Variants in CHST15 observed in about 807,000 individuals in gnomAD.
CHST15 encodes carbohydrate sulfotransferase 15, also known as B cell RAG associated protein (GALNAC4S-6ST).
CHST15 carries 30 observed loss-of-function variants against 53.6 expected under a neutral mutation model. The ratio of observed to expected loss-of-function variants is 0.56; its 90% CI spans 0.42 to 0.76. The LOEUF (loss-of-function observed/expected upper bound fraction) is 0.76. Ranked by LOEUF, CHST15 falls within the 30% of genes least tolerant of loss-of-function variation. The pLI is 0.00. For missense variants in CHST15, 627 were observed against 740.5 expected (o/e 0.85, Z 1.78); for synonymous variants, 296 against 289.8 (o/e 1.02, Z -0.22).
chr10:124,052,057 CA>C (rs1454415902), intron 1 of CHST15, among the ~76,000 whole-genome samples: 3 of 152,142 alleles, frequency 2.0e-5, no homozygotes, highest in Non-Finnish European at 1.5e-5. Flanking sequence ...TAGCTAATTA[CA>C]TTATTTTTCT....
In CHST15 at chr10:124,009,660, A is replaced by T. The variant is rs1283598818; in HGVS notation, c.*489T>A. On this transcript the variant is annotated 3_prime_UTR_variant, in exon 8 of 8. Coordinates refer to ENST00000435907, the MANE Select transcript of CHST15 (RefSeq NM_001270764.2). ...GTGGTATGATCACACCTGTGAAGAT[A>T]GCCATTGAATACAGACAGTCTGTGC... is the stretch of plus-strand genomic sequence containing the variant. The T allele has an allele frequency of 1.0e-6, 1 of 1,001,468 alleles. No individual in the cohort carries two copies. The highest frequency in any genetic ancestry group is 1.1e-4 in the East Asian group (1 of 9,222). 62.0% of individuals were successfully genotyped at this position (1,001,468 alleles called of 1,614,324 possible).
intron 1 of CHST15, among the ~76,000 whole-genome samples, chr10:124,084,194 G>A (rs371018691): frequency 1.3e-5 from 2 of 152,278 alleles, no homozygotes; most frequent in African/African-American, 4.8e-5. Context: ...GGGGCCACGC[G>A]CTGGCTGGGA....
Position 124,046,523 on chromosome 10 carries a change from T to C in CHST15, c.-311A>G. 3.7e-6 allele frequency: 1 copy of C among 267,968 alleles called. No individual in the cohort carries two copies. The highest frequency in any genetic ancestry group is 7.0e-6 in the Non-Finnish European group (1 of 143,698). 16.6% of individuals were successfully genotyped at this position (267,968 alleles called of 1,614,324 possible). On this transcript the variant is annotated 5_prime_UTR_variant, in exon 2 of 8. It removes an upstream start codon present in the reference 5' UTR. Transcript: ENST00000435907. ...CTGCCTGCCCTTCAGGTTTTTCCCATGGCACAAAAAAAGGTGGAAGAATTC... is the reference window on the plus strand; with the variant it reads ...CTGCCTGCCCTTCAGGTTTTTCCCACGGCACAAAAAAAGGTGGAAGAATTC...
intron 1 of CHST15, among the ~76,000 whole-genome samples, chr10:124,069,103 C>T (rs940978363): frequency 5.3e-5 from 8 of 152,196 alleles, no homozygotes; most frequent in African/African-American, 9.6e-5. Context: ...TGTCTCTGCA[C>T]AGACATCCAT....
intron 1 of CHST15, among the ~76,000 whole-genome samples, chr10:124,049,876 C>T (rs1948131050): frequency 1.3e-5 from 2 of 152,062 alleles, no homozygotes; most frequent in South Asian, 4.1e-4. Flanking sequence ...TTGGGACTGG[C>T]ATCTGAAGTG....
intron 5 of CHST15, among the ~76,000 whole-genome samples, chr10:124,025,866 AG>A (rs749227505): frequency 1.1e-3 from 161 of 152,214 alleles, no homozygotes; most frequent in Non-Finnish European, 1.5e-3. Flanking sequence ...GGCCACCAAG[AG>A]CTGGGAGCAG....
At chr10:124,037,666 C>T (rs1381056604) in intron 5 of CHST15, among the ~76,000 whole-genome samples, 1 of 152,212 alleles carries the variant, frequency 6.6e-6, no homozygotes, top group Admixed American at 6.5e-5. Context: ...CCAGCCAGGC[C>T]GCCCCATAGT....
At chr10:124,057,956 TTCATGCTGCAGTTCTCCCC>T (rs1948436496) in intron 1 of CHST15, among the ~76,000 whole-genome samples, 1 of 127,590 alleles carries the variant, frequency 7.8e-6, no homozygotes, top group Admixed American at 7.7e-5. Context: ...TTCAAATATG[TTCATGCTGCAGTTCTCCCC>T]CCCAATGATT....
At chr10:124,015,398 G>C (rs572604495) in intron 6 of CHST15, among the ~76,000 whole-genome samples, 15 of 80,188 alleles carry the variant, frequency 1.9e-4, no homozygotes, top group Admixed American at 8.7e-4. Context: ...AGGGCAGGGC[G>C]GGGGGGGCTA....
Position 124,020,910 on chromosome 10 carries a change from T to C in CHST15, c.1347+346A>G, listed in dbSNP as rs1454687385. ...CAAAACAATCCACCGCTCAAGAGAA[T>C]GCTCTTAAGACAATTTGAGAGTTGG... On this transcript the variant is annotated intron_variant, in intron 6 of 7. Transcript: ENST00000435907. 3.0e-6 allele frequency: 4 copies of C among 1,340,576 alleles called. No individual in the cohort carries two copies. The South Asian group carries it at 8.9e-5, about 30-fold the overall frequency. The allele number at this position is 1,340,576 out of a possible 1,614,324, so 83.0% of individuals were successfully genotyped here. A position where few individuals can be genotyped will look rare whatever the true frequency, so the allele number is the denominator to read the frequency against.
At chr10:124,011,885 C>T (rs1946427104) in intron 7 of CHST15, 5 of 980,694 alleles carry the variant, frequency 5.1e-6, no homozygotes, top group East Asian at 1.1e-4. Context: ...TCTGCTCCAG[C>T]CCCCCGGTGA....
Position 124,052,763 on chromosome 10 carries a change from C to T in CHST15, c.-512-6039G>A, listed in dbSNP as rs184869986. 3.2e-4 allele frequency among the ~76,000 whole-genome samples: 48 copies of T among 152,292 alleles called. No homozygotes were observed. The East Asian group carries it at 5.4e-3, about 17-fold the overall frequency. Reference sequence around the variant, plus strand: ...AAAGAGTGTCTAGCCCGGCCGGGCGCGGTGGCTCATGCCTGTAATCCTAGC... The same window carrying T: ...AAAGAGTGTCTAGCCCGGCCGGGCGTGGTGGCTCATGCCTGTAATCCTAGC... On this transcript the variant is annotated intron_variant, in intron 1 of 7. Transcript: ENST00000435907.
Position 124,008,697 on chromosome 10 carries a change from G to C in CHST15, c.*1452C>G, listed in dbSNP as rs1390439824. On this transcript the variant is annotated 3_prime_UTR_variant, in exon 8 of 8. Transcript: ENST00000435907. ...GTCTGTCTCACACATACAAGTTAGA[G>C]CTGGGTAGACGGGTGCTTGCACTTT... is the stretch of plus-strand genomic sequence containing the variant. 3 of 1,139,476 alleles carry C rather than the reference G, an allele frequency of 2.6e-6. No homozygotes were observed. The highest frequency in any genetic ancestry group is 3.3e-6 in the Non-Finnish European group (3 of 911,494). The allele number at this position is 1,139,476 out of a possible 1,614,324, so 70.6% of individuals were successfully genotyped here. A position where few individuals can be genotyped will look rare whatever the true frequency, so the allele number is the denominator to read the frequency against.
intron 6 of CHST15, among the ~76,000 whole-genome samples, chr10:124,015,995 G>C (rs574559743): frequency 1.1e-4 from 16 of 152,254 alleles, no homozygotes; most frequent in Admixed American, 5.9e-4. Context: ...CCATGGCCCC[G>C]TACCCAGAGT....
chr10:124,037,524 G>A (rs970009308), intron 5 of CHST15, among the ~76,000 whole-genome samples: 2 of 152,212 alleles, frequency 1.3e-5, no homozygotes, highest in Non-Finnish European at 2.9e-5. Context: ...GAGGGCCTCG[G>A]ATTAGACAGG....
At chr10:124,015,176 T>C (rs978411250) in intron 6 of CHST15, among the ~76,000 whole-genome samples, 5 of 152,184 alleles carry the variant, frequency 3.3e-5, no homozygotes, top group Non-Finnish European at 7.3e-5. Context: ...TGCAACCATA[T>C]GCACCATGAA....
intron 4 of CHST15, among the ~76,000 whole-genome samples, chr10:124,039,974 C>G (rs375217761): frequency 6.6e-6 from 1 of 152,118 alleles, no homozygotes; most frequent in African/African-American, 2.4e-5. Context: ...CTGTCGGATG[C>G]GTAATCACAT....
intron 6 of CHST15, among the ~76,000 whole-genome samples, chr10:124,014,488 A>G (rs1189530257): frequency 1.3e-5 from 2 of 152,044 alleles, no homozygotes; most frequent in Admixed American, 6.5e-5. Flanking sequence ...GCCAGCTCAG[A>G]AAAAAGACCT....
intron 6 of CHST15, among the ~76,000 whole-genome samples, chr10:124,013,668 T>C (rs1355370943): frequency 6.6e-6 from 1 of 152,226 alleles, no homozygotes; most frequent in Non-Finnish European, 1.5e-5. Context: ...AGAGCAGTCT[T>C]AGGAACAGTT....
Sources: allele counts gnomAD v4.1 joint callset (sites outside exome capture counted in the v4.1 genomes callset), GRCh38; gene constraint gnomAD v4.1.1; transcripts MANE v1.5; gene names NCBI Gene and HGNC (gene_info 2026-07-23, HGNC 2026-07-21).